The following PDE4D variants were observed in gnomAD, a reference collection of about 807,000 sequenced individuals.
PDE4D encodes the protein 3',5'-cyclic-AMP phosphodiesterase 4D.
Under a neutral mutation model 87.4 loss-of-function variants are expected in PDE4D, and 24 were observed. The ratio of observed to expected loss-of-function variants is 0.27; its 90% CI spans 0.20 to 0.39. PDE4D has a LOEUF of 0.39. Among genes scored for constraint, PDE4D ranks in the 10% least tolerant of loss-of-function variants. PDE4D has a pLI of 1.00. For missense variants in PDE4D, 714 were observed against 1,041.0 expected (o/e 0.69, Z 4.32); for synonymous variants, 384 against 383.2 (o/e 1.00, Z -0.02).
At chr5:59,398,411 C>T (rs1376256974) in intron 1 of PDE4D, among the ~76,000 whole-genome samples, 1 of 144,612 alleles carries the variant, frequency 6.9e-6, no homozygotes, top group African/African-American at 2.6e-5. Flanking sequence ...CCCTGGGATG[C>T]AAGGCTGGTT....
intron 1 of PDE4D, among the ~76,000 whole-genome samples, chr5:59,337,020 A>C (rs1777781366): frequency 6.6e-6 from 1 of 152,206 alleles, no homozygotes; most frequent in Non-Finnish European, 1.5e-5. Flanking sequence ...CATTTTTTTA[A>C]AATTTTACTG....
intron 1 of PDE4D, among the ~76,000 whole-genome samples, chr5:59,475,047 C>T (rs948256649): frequency 1.3e-5 from 2 of 151,968 alleles, no homozygotes; most frequent in African/African-American, 4.8e-5. Flanking sequence ...ATCTTCAAGT[C>T]ATGAAGGAAG....
At chr5:59,433,743 C>A (rs1274231949) in intron 1 of PDE4D, among the ~76,000 whole-genome samples, 1 of 151,966 alleles carries the variant, frequency 6.6e-6, no homozygotes. Context: ...CACTTATCAT[C>A]CCCATGATTC....
chr5:60,343,431 T>C (rs1758477731), intron 1 of PDE4D, among the ~76,000 whole-genome samples: 1 of 152,124 alleles, frequency 6.6e-6, no homozygotes, highest in South Asian at 2.1e-4. Context: ...ACTCTGCAAA[T>C]GGCACCAATG....
At chr5:59,112,972 T>C (rs1000904765) in intron 5 of PDE4D, among the ~76,000 whole-genome samples, 3 of 152,084 alleles carry the variant, frequency 2.0e-5, no homozygotes, top group Admixed American at 2.0e-4. Context: ...GGCTAATTTT[T>C]GTATTTTTAG....
chr5:59,035,373 A>G (rs1758319349), intron 6 of PDE4D, among the ~76,000 whole-genome samples: 1 of 152,214 alleles, frequency 6.6e-6, no homozygotes, highest in African/African-American at 2.4e-5. Context: ...AAAACTGTAA[A>G]TATAATTTAA....
At chr5:60,271,654 C>A (rs963872552) in intron 1 of PDE4D, among the ~76,000 whole-genome samples, 1 of 152,118 alleles carries the variant, frequency 6.6e-6, no homozygotes, top group African/African-American at 2.4e-5. Context: ...GACTTCCCTG[C>A]GCTAATCTGG....
intron 1 of PDE4D, among the ~76,000 whole-genome samples, chr5:59,458,438 A>T (rs1800246472): frequency 6.6e-6 from 1 of 152,214 alleles, no homozygotes. Context: ...GAATTAATTA[A>T]GAGATACTGA....
At chr5:60,500,351 T>C (rs1750013281) in intron 1 of PDE4D, among the ~76,000 whole-genome samples, 1 of 152,056 alleles carries the variant, frequency 6.6e-6, no homozygotes. Context: ...AGGAAGAACC[T>C]GGTCCCAAGG....
At chr5:58,991,394 A>G (rs1747885031) in intron 8 of PDE4D, among the ~76,000 whole-genome samples, 1 of 152,258 alleles carries the variant, frequency 6.6e-6, no homozygotes, top group Non-Finnish European at 1.5e-5. Flanking sequence ...CCATGTAAGC[A>G]TAGGCAAACT....
At chr5:60,226,801 T>G (rs1412240687) in intron 1 of PDE4D, among the ~76,000 whole-genome samples, 1 of 151,486 alleles carries the variant, frequency 6.6e-6, no homozygotes, top group East Asian at 2.0e-4. Context: ...GCCATCCTTC[T>G]TTACTCAGGT....
At chr5:59,150,875 A>G (rs1319028897) in intron 5 of PDE4D, among the ~76,000 whole-genome samples, 6 of 152,198 alleles carry the variant, frequency 3.9e-5, no homozygotes, top group Non-Finnish European at 8.8e-5. Flanking sequence ...TAGAGAAGCT[A>G]TGGCAAGCCA....
intron 1 of PDE4D, among the ~76,000 whole-genome samples, chr5:59,398,220 A>T (rs1789877103): frequency 8.0e-6 from 1 of 124,254 alleles, no homozygotes; most frequent in Non-Finnish European, 1.7e-5. Flanking sequence ...ATCCTCCCTA[A>T]CTCATTTTAT....
intron 6 of PDE4D, among the ~76,000 whole-genome samples, chr5:59,005,024 T>G (rs140737035): frequency 3.9e-5 from 6 of 152,362 alleles, no homozygotes; most frequent in African/African-American, 1.4e-4. Context: ...ACAAAAAGAT[T>G]GTTGGCTGAT....
chr5:59,749,420 C>T (rs139206433), intron 1 of PDE4D, among the ~76,000 whole-genome samples: 2,256 of 152,178 alleles, frequency 0.015, 60 homozygotes, highest in African/African-American at 0.051. Flanking sequence ...CCTGCCACCA[C>T]GCCTGGCTGA....
chr5:60,238,967 A>T (rs913858845), intron 1 of PDE4D, among the ~76,000 whole-genome samples: 3 of 152,180 alleles, frequency 2.0e-5, no homozygotes, highest in Admixed American at 2.0e-4. Flanking sequence ...TAGGATAATA[A>T]ATAACTCTCA....
At chr5:60,318,430 C>T (rs1003197393) in intron 1 of PDE4D, among the ~76,000 whole-genome samples, 3 of 152,166 alleles carry the variant, frequency 2.0e-5, no homozygotes, top group East Asian at 1.9e-4. Flanking sequence ...GGTCTTGACT[C>T]TTTATCCAGT....
chr5:59,350,295 A>G (rs1780307456), intron 1 of PDE4D, among the ~76,000 whole-genome samples: 1 of 152,044 alleles, frequency 6.6e-6, no homozygotes, highest in Admixed American at 6.6e-5. Context: ...ACTGAATTAG[A>G]TGGCATATGT....
At chr5:60,510,233 A>G (rs186027444) in intron 1 of PDE4D, among the ~76,000 whole-genome samples, 6 of 152,312 alleles carry the variant, frequency 3.9e-5, no homozygotes, top group African/African-American at 7.2e-5. Flanking sequence ...AATTCTCAGC[A>G]GCCCATCAGA....
Sources: allele counts gnomAD v4.1 joint callset (sites outside exome capture counted in the v4.1 genomes callset), GRCh38; gene constraint gnomAD v4.1.1; transcripts MANE v1.5; gene names NCBI Gene and HGNC (gene_info 2026-07-23, HGNC 2026-07-21).